TGIF1: variants seen among roughly 807,000 people sequenced by gnomAD.
TGIF1 encodes homeobox protein TGIF1.
In TGIF1, 4 loss-of-function variants were observed where a neutral mutation model predicts 19.3. The ratio of observed to expected loss-of-function variants is 0.21; its 90% CI spans 0.10 to 0.47. The LOEUF is 0.47. Ranked by LOEUF, TGIF1 falls within the 20% of genes least tolerant of loss-of-function variation. The probability of loss-of-function intolerance (pLI) is 0.98; values close to 1 mark genes in which losing one functional copy is unlikely to be tolerated. For missense variants in TGIF1, 275 were observed against 341.4 expected, an observed-to-expected ratio of 0.81 and a Z score of 1.53; for synonymous variants, 122 against 129.3, an observed-to-expected ratio of 0.94 and a Z score of 0.38.
intron 2 of TGIF1, among the ~76,000 whole-genome samples, chr18:3,444,522 T>C (rs238542): frequency 0.076 from 11,506 of 152,214 alleles, 1,431 homozygotes; most frequent in African/African-American, 0.25. Context: ...TCTTATCATT[T>C]AGCTCCCATA....
In TGIF1 at chr18:3,457,675, C is replaced by G. The variant is rs760448918; in HGVS notation, c.554C>G (p.Pro185Arg). 1 of 1,614,198 alleles carries G rather than the reference C, an allele frequency of 6.2e-7. No individual in the cohort carries two copies. ...ACTGTGACTGCATTGAAAGATGTCC[C>G]TTTCTCTCTCTGCCAGTCGGTCGGT... is the stretch of plus-strand genomic sequence containing the variant. ...HTTVTALKDV[P>R]FSLCQSVGVG... The change falls in exon 3 of 3, where the codon CCT becomes CGT. Residue 185 changes from proline to arginine, a missense_variant. Pro to Arg is a moderately radical substitution (Grantham distance 103, BLOSUM62 -2). Transcript: ENST00000343820. The surrounding 1 kb of genome is among the most constrained non-coding windows in gnomAD (Gnocchi z 4.9).
chr18:3,445,027 G>A lies in TGIF1; in HGVS notation c.-44-11327G>A, dbSNP rs115973334. Among the ~76,000 whole-genome samples the A allele has an allele frequency of 5.2e-3, 797 of 152,294 alleles. 9 individuals carry two copies. The highest frequency in any genetic ancestry group is 0.018 in the African/African-American group (749 of 41,554). On this transcript the variant is annotated intron_variant, in intron 2 of 3. Transcript: ENST00000401449. ...GGATGCCACTGGCACACACTGGTTA[G>A]TGTCCAGGGATGTCACTAAATATCC... is the stretch of plus-strand genomic sequence containing the variant.
upstream of TGIF1, among the ~76,000 whole-genome samples, chr18:3,446,509 T>C (rs1464362919): frequency 6.6e-6 from 1 of 152,110 alleles, no homozygotes; most frequent in Non-Finnish European, 1.5e-5. Flanking sequence ...TCCCCTGGAT[T>C]CCAAAACTCA....
intron 2 of TGIF1, among the ~76,000 whole-genome samples, chr18:3,439,465 AC>A (rs1377591246): frequency 6.6e-6 from 1 of 150,746 alleles, no homozygotes; most frequent in African/African-American, 2.4e-5. Context: ...TGCCTCAGCC[AC>A]CCGATTAGCT....
intron 2 of TGIF1, among the ~76,000 whole-genome samples, chr18:3,421,489 C>T (rs1008472547): frequency 1.3e-5 from 2 of 150,874 alleles, no homozygotes; most frequent in African/African-American, 4.9e-5. Context: ...CTTGGCTCAC[C>T]GCAACTTCCA....
At chr18:3,420,556 CAG>C (rs1352796130) in intron 2 of TGIF1, among the ~76,000 whole-genome samples, 1 of 152,124 alleles carries the variant, frequency 6.6e-6, no homozygotes, top group African/African-American at 2.4e-5. Flanking sequence ...AATTAAAAGA[CAG>C]AGACTATCAG....
At chr18:3,440,790 G>A (rs766540776) in intron 2 of TGIF1, among the ~76,000 whole-genome samples, 9 of 152,210 alleles carry the variant, frequency 5.9e-5, no homozygotes, top group Non-Finnish European at 1.2e-4. Context: ...AAAAACGGAT[G>A]TAGGCTCCCT....
chr18:3,454,088 C>A (rs760703852), intron 1 of TGIF1, among the ~76,000 whole-genome samples: 37 of 152,198 alleles, frequency 2.4e-4, no homozygotes, highest in Non-Finnish European at 4.6e-4. Context: ...CCTGTTACTT[C>A]AGCTTTTGTG....
At chr18:3,428,468 C>T (rs867041822) in intron 2 of TGIF1, among the ~76,000 whole-genome samples, 1 of 151,790 alleles carries the variant, frequency 6.6e-6, no homozygotes, top group South Asian at 2.1e-4. Context: ...GGTATGGTGG[C>T]GGCTCATGCC....
chr18:3,430,907 C>T (rs1460497297), intron 2 of TGIF1, among the ~76,000 whole-genome samples: 1 of 152,064 alleles, frequency 6.6e-6, no homozygotes, highest in Admixed American at 6.6e-5. Flanking sequence ...TGAAGAAGTC[C>T]TGAGCCTAAA....
At position 3,457,584 on chromosome 18, in the gene TGIF1, C is replaced by T. The variant is rs2049399544; in HGVS notation, c.463C>T (p.Pro155Ser). The change falls in exon 3 of 3, where the codon CCA becomes TCA. Residue 155 changes from proline to serine, a missense_variant. Physicochemically the swap from Pro to Ser is moderately conservative, Grantham distance 74 (BLOSUM62 -1). Coordinates refer to ENST00000343820, the MANE Select transcript of TGIF1 (RefSeq NM_003244.4). The surrounding 1 kb of genome is among the most constrained non-coding windows in gnomAD (Gnocchi z 4.9). ...TAGPNPTLGRPLSPKPSSPGS... is the reference protein window; with the variant it reads ...TAGPNPTLGRSLSPKPSSPGS... The stretch of plus-strand genomic sequence containing the variant: ...TGGGCCAAACCCAACCCTAGGGAGG[C>T]CACTGTCTCCTAAGCCGTCATCCCC... The T allele has an allele frequency of 1.9e-6, 3 of 1,614,210 alleles. No homozygotes were observed. Among genetic ancestry groups the T allele is most frequent in the Non-Finnish European group, 2.5e-6 (3 of 1,180,034 alleles).
chr18:3,437,416 T>G (rs1024640366), intron 2 of TGIF1, among the ~76,000 whole-genome samples: 3 of 152,166 alleles, frequency 2.0e-5, no homozygotes, highest in Admixed American at 1.3e-4. Context: ...TTACCTATCT[T>G]GAAGTCCAAC....
upstream of TGIF1, chr18:3,447,954 G>A (rs2082774167): frequency 2.3e-6 from 2 of 877,570 alleles, no homozygotes; most frequent in Non-Finnish European, 2.7e-6. Context: ...GCAGTCATTA[G>A]CCAAGTCCAC....
Position 3,454,697 on chromosome 18 carries a change from G to A in TGIF1, c.17-1657G>A, listed in dbSNP as rs370880210. Among the ~76,000 whole-genome samples the A allele has an allele frequency of 4.4e-4, 67 of 152,304 alleles. No individual in the cohort carries two copies. The South Asian group carries it at 0.013, about 30-fold the overall frequency. ...ACCTTTTTAAAAACTTAAATCATCA[G>A]GGGAGGGGAATTTCAAATACATGGC... On this transcript the variant is annotated intron_variant, in intron 1 of 2. Transcript: ENST00000343820.
At chr18:3,422,729 C>T (rs1424756310) in intron 2 of TGIF1, among the ~76,000 whole-genome samples, 5 of 120,414 alleles carry the variant, frequency 4.2e-5, no homozygotes, top group African/African-American at 9.1e-5. Flanking sequence ...CTGGCTCTGT[C>T]GCCCAGTCTG....
chr18:3,420,712 T>C (rs1407876928), intron 2 of TGIF1, among the ~76,000 whole-genome samples: 1 of 152,230 alleles, frequency 6.6e-6, no homozygotes, highest in African/African-American at 2.4e-5. Flanking sequence ...GCTATGTTAA[T>C]TTCAGACAAA....
At chr18:3,447,672 G>A (rs1301242590), upstream of TGIF1, 4 of 1,587,634 alleles carry the variant, frequency 2.5e-6, no homozygotes, top group Non-Finnish European at 3.5e-6. Flanking sequence ...GTAAGCTTTC[G>A]CTACATCACA....
chr18:3,448,857 G>C (rs778085703), upstream of TGIF1, among the ~76,000 whole-genome samples: 234 of 151,194 alleles, frequency 1.5e-3, 1 homozygote, highest in Non-Finnish European at 2.9e-3. Flanking sequence ...AGTTTCTTCT[G>C]CCGGGATCTC....
At chr18:3,450,734 C>T (rs1486137223) in intron 1 of TGIF1, among the ~76,000 whole-genome samples, 1 of 152,208 alleles carries the variant, frequency 6.6e-6, no homozygotes, top group Non-Finnish European at 1.5e-5. Context: ...GCTGCTGGCA[C>T]GTTGTCAAGA....
Sources: gnomAD v4.1 joint callset for allele counts (sites outside exome capture counted in the v4.1 genomes callset) on GRCh38, gnomAD v4.1.1 for gene constraint, Gnocchi (gnomAD v3.1) non-coding constraint, MANE v1.5 for transcripts, NCBI Gene and HGNC (gene_info 2026-07-23, HGNC 2026-07-21) for gene names.